Variants in ADGRL3 observed in about 807,000 individuals in gnomAD.
ADGRL3 encodes adhesion G protein-coupled receptor L3.
A neutral mutation model predicts 153.5 loss-of-function variants in ADGRL3; 62 were observed. The observed-to-expected ratio is 0.40, with a 90% CI of 0.33 to 0.50. The LOEUF is 0.50. Among genes scored for constraint, ADGRL3 ranks in the 20% least tolerant of loss-of-function variants. ADGRL3 has a pLI of 0.47. For synonymous variants in ADGRL3, 710 were observed against 672.5 expected, an observed-to-expected ratio of 1.06 and a Z score of -0.86; for missense variants, 1,641 against 1,859.4, an observed-to-expected ratio of 0.88 and a Z score of 2.16.
At chr4:61,634,774 A>G (rs1467859928) in intron 5 of ADGRL3, among the ~76,000 whole-genome samples, 1 of 152,168 alleles carries the variant, frequency 6.6e-6, no homozygotes, top group Non-Finnish European at 1.5e-5. Flanking sequence ...AAAATAAAAT[A>G]TTTTAGCTCA....
intron 2 of ADGRL3, among the ~76,000 whole-genome samples, chr4:61,416,273 T>C (rs1250190108): frequency 6.6e-6 from 1 of 151,864 alleles, no homozygotes; most frequent in East Asian, 1.9e-4. Context: ...AAGAAACTAG[T>C]AATTTTTCAG....
At position 61,554,221 on chromosome 4, in the gene ADGRL3, T is replaced by C. The variant is rs1339816502; in HGVS notation, c.260-33006T>C. Reference sequence around the variant, plus strand: ...ATTTTATTCATTTTTTGAGACAGAGTCTTACTCTGTTGCCCAGGCTGGAGT... The same window carrying C: ...ATTTTATTCATTTTTTGAGACAGAGCCTTACTCTGTTGCCCAGGCTGGAGT... On this transcript the variant is annotated intron_variant, in intron 4 of 26. Coordinates refer to ENST00000683033, the MANE Select transcript of ADGRL3 (RefSeq NM_001387552.1). 4.7e-5 allele frequency among the ~76,000 whole-genome samples: 7 copies of C among 148,614 alleles called. No homozygotes were observed. In the East Asian group the frequency reaches 1.4e-3, roughly 29 times the overall value.
intron 9 of ADGRL3, among the ~76,000 whole-genome samples, chr4:61,887,224 C>T (rs756937878): frequency 7.9e-5 from 12 of 151,880 alleles, no homozygotes; most frequent in Admixed American, 2.0e-4. Context: ...TTAGAAGATG[C>T]CCATCCCAAA....
chr4:61,814,523 C>T (rs1307834669), intron 9 of ADGRL3, among the ~76,000 whole-genome samples: 3 of 152,068 alleles, frequency 2.0e-5, no homozygotes, highest in Admixed American at 2.0e-4. Flanking sequence ...CAAAATGTTT[C>T]TTGTTCTCAC....
At chr4:61,622,838 T>G (rs536606668) in intron 5 of ADGRL3, among the ~76,000 whole-genome samples, 1 of 152,260 alleles carries the variant, frequency 6.6e-6, no homozygotes, top group South Asian at 2.1e-4. Flanking sequence ...AAGAACTCAC[T>G]CTAACCATAA....
chr4:61,768,503 G>A (rs1373839172), intron 8 of ADGRL3, among the ~76,000 whole-genome samples: 1 of 152,046 alleles, frequency 6.6e-6, no homozygotes, highest in Non-Finnish European at 1.5e-5. Context: ...AAGAATGCCT[G>A]GACTTCAGGC....
chr4:61,249,836 G>A (rs746443751), intron 1 of ADGRL3, among the ~76,000 whole-genome samples: 7 of 152,100 alleles, frequency 4.6e-5, no homozygotes, highest in Non-Finnish European at 8.8e-5. Context: ...AGTTTTATGA[G>A]GATTAAGGGG....
rs1178849325 is a variant in ADGRL3, at chr4:61,689,489, A to G, written c.583+12554A>G. Among the ~76,000 whole-genome samples, 4 of 152,194 alleles carry G rather than the reference A, an allele frequency of 2.6e-5. No individual in the cohort carries two copies. In the East Asian group the frequency reaches 7.7e-4, roughly 29 times the overall value. On this transcript the variant is annotated intron_variant, in intron 6 of 26. Coordinates refer to ENST00000683033, the MANE Select transcript of ADGRL3 (RefSeq NM_001387552.1). ...AATAAGTGAAATAGTCAATGATTAT[A>G]CAATTAGAACTCATTGGCTCTTAAC...
intron 6 of ADGRL3, among the ~76,000 whole-genome samples, chr4:61,697,221 A>C (rs1475441964): frequency 6.6e-6 from 1 of 152,190 alleles, no homozygotes; most frequent in Non-Finnish European, 1.5e-5. Context: ...AAAATATGAC[A>C]TATCAGGTTT....
At chr4:61,611,922 AATAT>A (rs1018404240) in intron 5 of ADGRL3, among the ~76,000 whole-genome samples, 1 of 151,966 alleles carries the variant, frequency 6.6e-6, no homozygotes, top group Non-Finnish European at 1.5e-5. Flanking sequence ...GTGTCTAAAA[AATAT>A]ATATATATTA....
intron 1 of ADGRL3, among the ~76,000 whole-genome samples, chr4:61,282,943 A>C (rs1378112865): frequency 3.9e-5 from 6 of 152,052 alleles, no homozygotes; most frequent in African/African-American, 1.4e-4. Context: ...AGTTTTTGTT[A>C]TCCATTGAAA....
chr4:61,866,929 T>C (rs1391026588), intron 9 of ADGRL3, among the ~76,000 whole-genome samples: 1 of 152,150 alleles, frequency 6.6e-6, no homozygotes, highest in East Asian at 1.9e-4. Flanking sequence ...GGTATTGAGA[T>C]GCACTCCCAG....
At chr4:61,365,504 A>C (rs1426239657) in intron 1 of ADGRL3, among the ~76,000 whole-genome samples, 5 of 152,218 alleles carry the variant, frequency 3.3e-5, no homozygotes, top group African/African-American at 9.6e-5. Context: ...TTGGTGCCTC[A>C]CTTACCCTGT....
At chr4:61,814,562 T>G (rs180943167) in intron 9 of ADGRL3, among the ~76,000 whole-genome samples, 1 of 152,330 alleles carries the variant, frequency 6.6e-6, no homozygotes, top group East Asian at 1.9e-4. Flanking sequence ...CTTTTTAATT[T>G]TATAAATACC....
intron 2 of ADGRL3, among the ~76,000 whole-genome samples, chr4:61,386,418 G>A (rs1189428894): frequency 1.3e-5 from 2 of 152,002 alleles, no homozygotes; most frequent in Non-Finnish European, 2.9e-5. Flanking sequence ...TTTGTTTTGA[G>A]GTATAAGTTA....
At chr4:61,982,623 A>G (rs1340851398) in intron 18 of ADGRL3, among the ~76,000 whole-genome samples, 2 of 152,236 alleles carry the variant, frequency 1.3e-5, no homozygotes, top group African/African-American at 4.8e-5. Flanking sequence ...AGAAATTGAT[A>G]GTTGGTCAGC....
chr4:61,909,788 TG>T (rs2098713810), intron 12 of ADGRL3, 43 bp downstream of exon 12: 1 of 1,389,300 alleles, frequency 7.2e-7, no homozygotes, highest in African/African-American at 1.4e-5. Flanking sequence ...TGTGTGTGTG[TG>T]TGTGTGTGTG....
chr4:62,077,717 A>G lies in ADGRL3; in HGVS notation c.*6809A>G, dbSNP rs1186004293. The G allele has an allele frequency of 6.6e-6, 1 of 151,956 alleles. No homozygotes were observed. Among genetic ancestry groups the G allele is most frequent in the Non-Finnish European group, 1.5e-5 (1 of 67,876 alleles). The allele number at this position is 151,956 out of a possible 1,614,324, so 9.4% of individuals were successfully genotyped here. A position where few individuals can be genotyped will look rare whatever the true frequency, so the allele number is the denominator to read the frequency against. The stretch of plus-strand genomic sequence containing the variant: ...GTTTACATATTGAATGACATTTTGA[A>G]TCAATAAAAATGAGAAAAAAACATT... On this transcript the variant is annotated 3_prime_UTR_variant, in exon 27 of 27. Coordinates refer to ENST00000683033, the MANE Select transcript of ADGRL3 (RefSeq NM_001387552.1).
intron 1 of ADGRL3, among the ~76,000 whole-genome samples, chr4:61,320,259 A>G (rs1261671100): frequency 6.6e-6 from 1 of 152,176 alleles, no homozygotes; most frequent in Non-Finnish European, 1.5e-5. Context: ...CGACTAATGT[A>G]CCTTCTTATA....
Sources: gnomAD v4.1 joint callset for allele counts (sites outside exome capture counted in the v4.1 genomes callset) on GRCh38, gnomAD v4.1.1 for gene constraint, MANE v1.5 for transcripts, NCBI Gene and HGNC (gene_info 2026-07-23, HGNC 2026-07-21) for gene names.